SOAT1: variants seen among roughly 807,000 people sequenced by gnomAD.
The protein encoded by SOAT1 is sterol O-acyltransferase 1.
In SOAT1, 55 loss-of-function variants were observed where a neutral mutation model predicts 69.5. The observed-to-expected ratio is 0.79, with a 90% CI of 0.64 to 0.99. SOAT1 has a LOEUF of 0.99. Ranked by LOEUF, SOAT1 falls within the 50% of genes least tolerant of loss-of-function variation. The pLI is 0.00. For synonymous variants in SOAT1, 231 were observed against 224.7 expected (o/e 1.03, Z -0.25); for missense variants, 580 against 669.3 (o/e 0.87, Z 1.47).
Position 179,335,548 on chromosome 1 carries a change from G to A in SOAT1, c.220G>A (p.Asp74Asn). The A allele has an allele frequency of 6.2e-7, 1 of 1,612,462 alleles. No homozygotes were observed. Among genetic ancestry groups the A allele is most frequent in the Non-Finnish European group, 8.5e-7 (1 of 1,179,070 alleles). ...FFMKEVGSHFDDFVTNLIEKS... is the reference protein window; with the variant it reads ...FFMKEVGSHFNDFVTNLIEKS... Reference sequence around the variant, plus strand: ...TATGAAGGAAGTTGGCAGTCACTTTGATGATTTTGTGACCAATCTCATTGA... The same window carrying A: ...TATGAAGGAAGTTGGCAGTCACTTTAATGATTTTGTGACCAATCTCATTGA... Residue 74 changes from aspartate to asparagine, a missense_variant, in exon 4 of 16, where the codon GAT (aspartate) becomes AAT (asparagine). By Grantham distance (23) the Asp-to-Asn change is conservative (BLOSUM62 1). Transcript: ENST00000367619.
chr1:179,302,200 T>G (rs1302127345), intron 1 of SOAT1, among the ~76,000 whole-genome samples: 2 of 152,208 alleles, frequency 1.3e-5, no homozygotes, highest in Non-Finnish European at 2.9e-5. Flanking sequence ...AAATGATTAA[T>G]GCAAAAGGAA....
In SOAT1 at chr1:179,340,987, A is replaced by G. The variant is rs748892820; in HGVS notation, c.498-41A>G. ...TTCTGTGAACTCAGTGTATATTAAA[A>G]ATTCACCTCTATGTTCTTTTTCTGT... On this transcript the variant is annotated intron_variant, in intron 6 of 15. Transcript: ENST00000367619. 8.2e-6 allele frequency: 13 copies of G among 1,585,240 alleles called. No homozygotes were observed. The African/African-American group carries it at 1.6e-4, about 20-fold the overall frequency.
At position 179,356,845 on chromosome 1, in the gene SOAT1, A is replaced by C. The variant is rs938963500; in HGVS notation, c.*3204A>C. The C allele has an allele frequency of 7.6e-6, 1 of 131,604 alleles. No individual in the cohort carries two copies. The highest frequency in any genetic ancestry group is 1.6e-5 in the Non-Finnish European group (1 of 61,182). 8.2% of individuals were successfully genotyped at this position (131,604 alleles called of 1,614,324 possible). A position where few individuals can be genotyped will look rare whatever the true frequency, so the allele number is the denominator to read the frequency against. ...CAAGTGCCTACCACCACACCCAGCTAATTTATTTGTTTTTTTTTTTTTAGA... is the reference window on the plus strand; with the variant it reads ...CAAGTGCCTACCACCACACCCAGCTCATTTATTTGTTTTTTTTTTTTTAGA... On this transcript the variant is annotated 3_prime_UTR_variant, in exon 16 of 16. Transcript: ENST00000367619.
chr1:179,342,169 T>C lies in SOAT1; in HGVS notation c.836T>C (p.Leu279Pro), dbSNP rs750093837. ...GTCAGAGAGAACGTGCCTCGGGTAC[T>C]AAATTCAGCTAAGGAGAAATCAAGT... Reference protein sequence around the residue: ...SFVRENVPRVLNSAKEKSSTV... With the variant: ...SFVRENVPRVPNSAKEKSSTV... The change falls in exon 8 of 16, where the codon CTA becomes CCA. Residue 279 changes from leucine (L) to proline (P), a missense_variant. Leu to Pro is a moderately conservative substitution (Grantham distance 98, BLOSUM62 -3). Transcript: ENST00000367619. 5 of 1,613,472 alleles carry C rather than the reference T, an allele frequency of 3.1e-6. No homozygotes were observed. The highest frequency in any genetic ancestry group is 3.4e-6 in the Non-Finnish European group (4 of 1,179,562).
intron 1 of SOAT1, among the ~76,000 whole-genome samples, chr1:179,297,556 A>G (rs1305225860): frequency 1.3e-5 from 2 of 151,702 alleles, no homozygotes; most frequent in Non-Finnish European, 2.9e-5. Flanking sequence ...AGGCCAGTCT[A>G]GAATTCCTGA....
intron 1 of SOAT1, among the ~76,000 whole-genome samples, chr1:179,300,940 C>A (rs1218079559): frequency 6.6e-6 from 1 of 151,934 alleles, no homozygotes; most frequent in Non-Finnish European, 1.5e-5. Context: ...TACTAAAATA[C>A]AAAAATTAGC....
intron 9 of SOAT1, 143 bp from the exon 10 acceptor site, chr1:179,343,447 G>A (rs370151335): frequency 6.7e-6 from 4 of 592,828 alleles, no homozygotes; most frequent in African/African-American, 3.8e-5. Flanking sequence ...GGCTGGTCTC[G>A]AACTCCTGGT....
At chr1:179,335,181 G>C (rs1451429595) in intron 3 of SOAT1, among the ~76,000 whole-genome samples, 1 of 152,054 alleles carries the variant, frequency 6.6e-6, no homozygotes, top group African/African-American at 2.4e-5. Context: ...AACATAGGGA[G>C]ACCCTATCTC....
intron 1 of SOAT1, 110 bp downstream of exon 1, chr1:179,294,046 C>G (rs1664542715): frequency 6.8e-6 from 1 of 147,740 alleles, no homozygotes; most frequent in Non-Finnish European, 1.5e-5. Context: ...CGGCCTTGTC[C>G]TGGGCTGTGC....
At chr1:179,299,633 A>C (rs1664762963) in intron 1 of SOAT1, among the ~76,000 whole-genome samples, 1 of 152,202 alleles carries the variant, frequency 6.6e-6, no homozygotes, top group South Asian at 2.1e-4. Flanking sequence ...AGCACTAAAA[A>C]AAATCAGCTG....
chr1:179,331,973 T>C lies in SOAT1; in HGVS notation c.178-3533T>C, dbSNP rs147691319. On this transcript the variant is annotated intron_variant, in intron 3 of 15. Coordinates refer to ENST00000367619, the MANE Select transcript of SOAT1 (RefSeq NM_003101.6). ...GTGGAGTTAATGTTCTTTAAAACCA[T>C]TTATGAAGAAATTGTGATCAAGGGA... Among the ~76,000 whole-genome samples the C allele has an allele frequency of 1.1e-3, 160 of 152,318 alleles. 1 individual carries two copies. The highest frequency in any genetic ancestry group is 1.7e-3 in the South Asian group (8 of 4,832).
intron 2 of SOAT1, among the ~76,000 whole-genome samples, chr1:179,305,281 C>T (rs867947879): frequency 6.6e-6 from 1 of 152,218 alleles, no homozygotes; most frequent in Non-Finnish European, 1.5e-5. Flanking sequence ...GACTCTTGCT[C>T]TGCTGTCCAG....
chr1:179,323,464 C>T lies in SOAT1; in HGVS notation c.146C>T (p.Ala49Val), dbSNP rs749116506. The part of the protein sequence containing the change: ...NGRIDIKQLI[A>V]KKIKLTAEAE... ...CGAATTGACATAAAACAGTTGATAG[C>T]AAAGAAGATAAAGTTGACAGCAGAG... The change falls in exon 3 of 16, where the codon GCA (alanine) becomes GTA (valine). Residue 49 changes from alanine (A) to valine (V), a missense_variant. Ala to Val is a moderately conservative substitution (Grantham distance 64). Coordinates refer to ENST00000367619, the MANE Select transcript of SOAT1 (RefSeq NM_003101.6). 4 of 1,613,706 alleles carry T rather than the reference C, an allele frequency of 2.5e-6. No individual in the cohort carries two copies. In the East Asian group the frequency reaches 8.9e-5, roughly 36 times the overall value.
chr1:179,323,596 C>T (rs1665681519), intron 3 of SOAT1, 101 bp downstream of exon 3: 2 of 934,546 alleles, frequency 2.1e-6, no homozygotes, highest in Admixed American at 2.2e-5. Context: ...TTATTTAAGC[C>T]ATTCATCAGT....
At chr1:179,329,140 G>T (rs1033277018) in intron 3 of SOAT1, among the ~76,000 whole-genome samples, 1 of 149,316 alleles carries the variant, frequency 6.7e-6, no homozygotes, top group Non-Finnish European at 1.5e-5. Flanking sequence ...TTATGCTATT[G>T]TCCAGCCATT....
intron 12 of SOAT1, among the ~76,000 whole-genome samples, chr1:179,347,971 A>G (rs1268284110): frequency 6.6e-6 from 1 of 152,182 alleles, no homozygotes; most frequent in African/African-American, 2.4e-5. Context: ...TCCAGTAGGA[A>G]ACTGTTTGTT....
At chr1:179,340,903 A>G in intron 6 of SOAT1, 125 bp from the exon 7 acceptor site, 1 of 756,322 alleles carries the variant, frequency 1.3e-6, no homozygotes, top group Non-Finnish European at 2.1e-6. Flanking sequence ...CCATGACTTC[A>G]GCGTATTAAC....
rs949149880 is a variant in SOAT1 at position 179,357,003 on chromosome 1, T to C, written c.*3362T>C. Reference sequence around the variant, plus strand: ...AAGCCCATACTTATTGTTAATAAAGTTTCAGTGACTTGCTTACTAATCTTA... The same window carrying C: ...AAGCCCATACTTATTGTTAATAAAGCTTCAGTGACTTGCTTACTAATCTTA... On this transcript the variant is annotated 3_prime_UTR_variant, in exon 16 of 16. Coordinates refer to ENST00000367619, the MANE Select transcript of SOAT1 (RefSeq NM_003101.6). 2 of 152,130 alleles carry C rather than the reference T, an allele frequency of 1.3e-5. No individual in the cohort carries two copies. Among genetic ancestry groups the C allele is most frequent in the African/African-American group, 4.8e-5 (2 of 41,424 alleles). 9.4% of individuals were successfully genotyped at this position (152,130 alleles called of 1,614,324 possible). A position where few individuals can be genotyped will look rare whatever the true frequency, so the allele number is the denominator to read the frequency against.
At chr1:179,332,490 T>A (rs1247441162) in intron 3 of SOAT1, among the ~76,000 whole-genome samples, 1 of 152,184 alleles carries the variant, frequency 6.6e-6, no homozygotes, top group Non-Finnish European at 1.5e-5. Context: ...TCTAAAAATG[T>A]AGTTTACTAG....
Sources: allele counts gnomAD v4.1 joint callset (sites outside exome capture counted in the v4.1 genomes callset), GRCh38; gene constraint gnomAD v4.1.1; transcripts MANE v1.5; gene names NCBI Gene and HGNC (gene_info 2026-07-23, HGNC 2026-07-21).